Variants in VPS13D observed in about 807,000 individuals in gnomAD.
The protein encoded by VPS13D is intermembrane lipid transfer protein VPS13D.
A neutral mutation model predicts 461.9 loss-of-function variants in VPS13D; 187 were observed. The ratio of observed to expected loss-of-function variants is 0.40; its 90% CI spans 0.36 to 0.46. The LOEUF is 0.46. Ranked by LOEUF, VPS13D falls within the 20% of genes least tolerant of loss-of-function variation. The pLI is 0.60. For synonymous variants in VPS13D, 1,951 were observed against 1,986.3 expected (o/e 0.98, Z 0.47); for missense variants, 4,711 against 5,364.9 (o/e 0.88, Z 3.81).
intron 67 of VPS13D, among the ~76,000 whole-genome samples, chr1:12,480,379 G>T (rs1259758449): frequency 6.6e-6 from 1 of 152,142 alleles, no homozygotes; most frequent in Non-Finnish European, 1.5e-5. Flanking sequence ...CTTCTGTTTG[G>T]GTGCCACGGA....
intron 12 of VPS13D, among the ~76,000 whole-genome samples, chr1:12,261,538 C>T (rs1333100333): frequency 6.6e-6 from 1 of 152,206 alleles, no homozygotes; most frequent in Non-Finnish European, 1.5e-5. Context: ...TTCTTAATTG[C>T]ACTAGCACAT....
chr1:12,358,943 G>C (rs577492217), intron 50 of VPS13D, among the ~76,000 whole-genome samples: 1 of 152,180 alleles, frequency 6.6e-6, no homozygotes, highest in African/African-American at 2.4e-5. Context: ...GTATTCCCAC[G>C]CATTCATTAA....
intron 23 of VPS13D, among the ~76,000 whole-genome samples, 181 bp downstream of exon 23, chr1:12,291,305 T>TAC (rs1427556801): frequency 1.3e-5 from 2 of 152,220 alleles, no homozygotes; most frequent in African/African-American, 4.8e-5. Flanking sequence ...TGGATCTGTG[T>TAC]TGAAGTGGGC....
At chr1:12,377,459 C>G (rs1334692440) in intron 55 of VPS13D, among the ~76,000 whole-genome samples, 1 of 152,146 alleles carries the variant, frequency 6.6e-6, no homozygotes, top group African/African-American at 2.4e-5. Context: ...ATTATATAGA[C>G]TTTCATGATT....
Position 12,308,635 on chromosome 1 carries a change from T to G in VPS13D, c.6644T>G (p.Leu2215Trp). The G allele has an allele frequency of 1.9e-6, 3 of 1,609,848 alleles. No individual in the cohort carries two copies. Among genetic ancestry groups the G allele is most frequent in the South Asian group, 2.2e-5 (2 of 89,806 alleles). The change falls in exon 27 of 70, where the codon TTG becomes TGG. Residue 2215 changes from leucine to tryptophan, a missense_variant. Physicochemically the swap from Leu to Trp is moderately conservative, Grantham distance 61. Around this residue, in one of 3 missense-constraint regions of VPS13D, gnomAD observed 4,411 missense variants for 4,937.8 expected, o/e 0.89. Transcript: ENST00000620676. The stretch of plus-strand genomic sequence containing the variant: ...CTGAAATTGCAGGTGGAAAGGAATT[T>G]GGACAAGTGAGTGTTTTTTTTTTTT... ...CRLKLQVERN[L>W]DKEISHTVPD... is the part of the protein sequence containing the mutation.
rs533436423 is a variant in VPS13D, at chr1:12,434,777, A to G, written c.12333+17950A>G. Among the ~76,000 whole-genome samples, 27 of 152,352 alleles carry G rather than the reference A, an allele frequency of 1.8e-4. No homozygotes were observed. In the South Asian group the frequency reaches 5.2e-3, roughly 29 times the overall value. On this transcript the variant is annotated intron_variant, in intron 65 of 69. Transcript: ENST00000620676. The stretch of plus-strand genomic sequence containing the variant: ...CACATAAGCTTGTCTGTGCACAAAG[A>G]AACATTTAGATTAATCTTGTACTAC...
chr1:12,479,250 C>T (rs893307131), intron 67 of VPS13D, among the ~76,000 whole-genome samples: 3 of 152,164 alleles, frequency 2.0e-5, no homozygotes, highest in African/African-American at 7.2e-5. Flanking sequence ...GTTCAAAGGA[C>T]AAAAGGAAGA....
At chr1:12,403,677 A>C (rs1355212007) in intron 62 of VPS13D, 148 bp from the exon 63 acceptor site, 3 of 682,220 alleles carry the variant, frequency 4.4e-6, no homozygotes, top group Non-Finnish European at 7.1e-6. Context: ...AATACTATAC[A>C]CGTCACTGTA....
chr1:12,293,377 A>T, intron 23 of VPS13D, 147 bp from the exon 24 acceptor site: 1 of 697,492 alleles, frequency 1.4e-6, no homozygotes, highest in Non-Finnish European at 2.3e-6. Context: ...AGTAATTATT[A>T]GAGTTTGCTT....
chr1:12,288,381 A>T, intron 22 of VPS13D, 68 bp downstream of exon 22: 1 of 1,378,618 alleles, frequency 7.3e-7, no homozygotes, highest in Admixed American at 1.7e-5. Context: ...TTGTGATCAC[A>T]AATTGATTGT....
chr1:12,267,900 A>G lies in VPS13D; in HGVS notation c.1781A>G (p.Asp594Gly), dbSNP rs747421086. The G allele has an allele frequency of 3.1e-6, 5 of 1,614,066 alleles. No individual in the cohort carries two copies. In the South Asian group the frequency reaches 5.5e-5, roughly 18 times the overall value. The change falls in exon 15 of 70, where the codon GAC becomes GGC. Residue 594 changes from aspartate to glycine, a missense_variant. Transcript: ENST00000620676. ...TTTGGTCTACAAACTACATCTGCAG[A>G]CAGAAGTGATCATTACCCAGGTAAT... Reference protein sequence around the residue: ...QSFGLQTTSADRSDHYPAADP... With the variant: ...QSFGLQTTSAGRSDHYPAADP...
Position 12,354,209 on chromosome 1 carries a change from A to G in VPS13D, c.9667A>G (p.Asn3223Asp). 1.2e-6 allele frequency: 2 copies of G among 1,614,180 alleles called. No individual in the cohort carries two copies. The highest frequency in any genetic ancestry group is 1.7e-6 in the Non-Finnish European group (2 of 1,180,008). Residue 3223 changes from asparagine (N) to aspartate (D), a missense_variant, in exon 47 of 70, where the codon AAC (asparagine) becomes GAC (aspartate). By Grantham distance (23) the Asn-to-Asp change is conservative (BLOSUM62 1). Around this residue, in one of 3 missense-constraint regions of VPS13D, gnomAD observed 4,411 missense variants for 4,937.8 expected, o/e 0.89. Transcript: ENST00000620676. ...TCTCCATACAGCTGATACATCCCAG[A>G]ACATTGAGCTGGGTAAGAATGTAGT... ...AALHTADTSQ[N>D]IELGVSLENF... is the part of the protein sequence containing the mutation.
intron 50 of VPS13D, among the ~76,000 whole-genome samples, chr1:12,362,413 A>G (rs1367731458): frequency 6.6e-6 from 1 of 152,244 alleles, no homozygotes; most frequent in Non-Finnish European, 1.5e-5. Flanking sequence ...AACCTAACAT[A>G]TATGTGACTG....
chr1:12,396,469 T>G (rs1644500765), intron 60 of VPS13D, among the ~76,000 whole-genome samples: 1 of 152,166 alleles, frequency 6.6e-6, no homozygotes, highest in Admixed American at 6.5e-5. Flanking sequence ...TTCTATCTGT[T>G]TGTAACATCA....
chr1:12,407,668 T>C (rs1323099518), intron 63 of VPS13D, among the ~76,000 whole-genome samples: 1 of 152,198 alleles, frequency 6.6e-6, no homozygotes, highest in Non-Finnish European at 1.5e-5. Flanking sequence ...CTTTTTCAAA[T>C]GTGGAGTCCC....
Position 12,460,124 on chromosome 1 carries a change from A to G in VPS13D, c.12467-77A>G, listed in dbSNP as rs981872752. ...TAGAATGGCCTTAAGTTATCATTCC[A>G]TAATCAAGGGGTTTGGCTTTAAATG... is the stretch of plus-strand genomic sequence containing the variant. On this transcript the variant is annotated intron_variant, in intron 66 of 69. Coordinates refer to ENST00000620676, the MANE Select transcript of VPS13D (RefSeq NM_015378.4). 17 of 1,339,824 alleles carry G rather than the reference A, an allele frequency of 1.3e-5. No homozygotes were observed. The Middle Eastern group carries it at 7.6e-4, about 60-fold the overall frequency. The allele number at this position is 1,339,824 out of a possible 1,614,324, so 83.0% of individuals were successfully genotyped here.
chr1:12,369,789 CCAAAGTA>C, intron 54 of VPS13D, 87 bp downstream of exon 54: 1 of 1,220,314 alleles, frequency 8.2e-7, no homozygotes, highest in Non-Finnish European at 1.1e-6. Context: ...TCTTAGGAGA[CCAAAGTA>C]CAAAGGAAGA....
At chr1:12,497,679 TC>T in intron 68 of VPS13D, 48 bp downstream of exon 68, 11 of 1,574,952 alleles carry the variant, frequency 7.0e-6, no homozygotes, top group Non-Finnish European at 9.5e-6. Flanking sequence ...CTGAGTTGCC[TC>T]TTCTTTTGAT....
At chr1:12,370,696 T>C (rs1191200829) in intron 54 of VPS13D, among the ~76,000 whole-genome samples, 1 of 152,254 alleles carries the variant, frequency 6.6e-6, no homozygotes, top group Non-Finnish European at 1.5e-5. Flanking sequence ...GTTGTTAATT[T>C]GTTTTTAAAG....
Sources: gnomAD v4.1 joint callset for allele counts (sites outside exome capture counted in the v4.1 genomes callset) on GRCh38, gnomAD v4.1.1 for gene constraint, gnomAD v4.1.1 regional missense constraint, MANE v1.5 for transcripts, NCBI Gene and HGNC (gene_info 2026-07-23, HGNC 2026-07-21) for gene names.